ODAD2: variants seen among roughly 807,000 people sequenced by gnomAD.
ODAD2 encodes the protein outer dynein arm-docking complex subunit 2.
Under a neutral mutation model 106.8 loss-of-function variants are expected in ODAD2, and 89 were observed. The ratio of observed to expected loss-of-function variants is 0.83; its 90% CI spans 0.70 to 0.99. The LOEUF (loss-of-function observed/expected upper bound fraction) is 0.99, where lower values mean the gene tolerates loss of function less well. ODAD2 is among the 50% of genes least tolerant of loss of function. ODAD2 has a pLI of 0.00. For missense variants in ODAD2, 1,168 were observed against 1,238.5 expected (o/e 0.94, Z 0.85); for synonymous variants, 404 against 436.2 (o/e 0.93, Z 0.92).
chr10:27,815,558 C>T (rs1836062641), intron 19 of ODAD2, among the ~76,000 whole-genome samples: 1 of 152,164 alleles, frequency 6.6e-6, no homozygotes, highest in African/African-American at 2.4e-5. Flanking sequence ...TCTTATTTGA[C>T]CCCTTAACAG....
chr10:27,876,301 G>C (rs906958843), intron 17 of ODAD2, among the ~76,000 whole-genome samples: 1 of 152,140 alleles, frequency 6.6e-6, no homozygotes, highest in African/African-American at 2.4e-5. Context: ...CCCCCAGTAG[G>C]GGCAGACTGA....
intron 19 of ODAD2, among the ~76,000 whole-genome samples, chr10:27,821,765 T>G (rs1836631110): frequency 6.6e-6 from 1 of 152,218 alleles, no homozygotes; most frequent in Admixed American, 6.5e-5. Context: ...TTTTTTGGTA[T>G]CTATTTTTTT....
intron 16 of ODAD2, among the ~76,000 whole-genome samples, chr10:27,926,597 G>A (rs1156740178): frequency 6.6e-6 from 1 of 152,122 alleles, no homozygotes; most frequent in Non-Finnish European, 1.5e-5. Flanking sequence ...GCTGAGTAAA[G>A]GGCATGGGAA....
chr10:27,844,128 G>A (rs1043328126), intron 19 of ODAD2, among the ~76,000 whole-genome samples: 11 of 152,184 alleles, frequency 7.2e-5, no homozygotes, highest in African/African-American at 2.7e-4. Context: ...ACAGGAGTTA[G>A]AGGCTTCAGT....
chr10:27,852,020 C>G (rs533152079), intron 19 of ODAD2, among the ~76,000 whole-genome samples: 1 of 152,206 alleles, frequency 6.6e-6, no homozygotes, highest in Admixed American at 6.5e-5. Context: ...TAAAATGGAG[C>G]ACCATGTTTA....
intron 17 of ODAD2, among the ~76,000 whole-genome samples, chr10:27,887,411 G>T (rs901879832): frequency 6.6e-6 from 1 of 151,926 alleles, no homozygotes; most frequent in African/African-American, 2.4e-5. Flanking sequence ...TTCCCATCAT[G>T]CATTGAACAA....
At chr10:27,884,598 A>G (rs1841950340) in intron 17 of ODAD2, among the ~76,000 whole-genome samples, 1 of 152,252 alleles carries the variant, frequency 6.6e-6, no homozygotes, top group African/African-American at 2.4e-5. Flanking sequence ...GCTCAGACAG[A>G]ACACCATGGC....
At position 27,812,382 on chromosome 10, in the gene ODAD2, T is replaced by G; in HGVS notation, c.*130A>C. 1.3e-6 allele frequency: 1 copy of G among 765,808 alleles called. No homozygotes were observed. Among genetic ancestry groups the G allele is most frequent in the Non-Finnish European group, 2.1e-6 (1 of 487,458 alleles). 47.4% of individuals were successfully genotyped at this position (765,808 alleles called of 1,614,324 possible). On this transcript the variant is annotated 3_prime_UTR_variant, in exon 20 of 20. Transcript: ENST00000305242. Reference sequence around the variant, plus strand: ...TGAAAAACATTCTGTGCATTTTCAATTTGTGTGTTTTCATTTAGATGGTTG... The same window carrying G: ...TGAAAAACATTCTGTGCATTTTCAAGTTGTGTGTTTTCATTTAGATGGTTG...
chr10:27,958,879 T>C (rs1274634320), intron 10 of ODAD2: 3 of 1,303,894 alleles, frequency 2.3e-6, no homozygotes, highest in Non-Finnish European at 3.0e-6. Flanking sequence ...ACTCAACTGG[T>C]CTTTCCAACG....
intron 7 of ODAD2, among the ~76,000 whole-genome samples, chr10:27,979,143 A>G (rs1849377691): frequency 6.8e-6 from 1 of 147,200 alleles, no homozygotes; most frequent in Admixed American, 6.9e-5. Flanking sequence ...CCGGGAGGGG[A>G]GGTGAAGGTT....
At chr10:27,945,775 G>A (rs919778627) in intron 10 of ODAD2, among the ~76,000 whole-genome samples, 14 of 152,242 alleles carry the variant, frequency 9.2e-5, no homozygotes, top group African/African-American at 3.1e-4. Context: ...AATCTTCTAA[G>A]GAGTAGTGCA....
In ODAD2 at chr10:27,812,222, G is replaced by A; in HGVS notation, c.*290C>T. 3.0e-6 allele frequency: 1 copy of A among 333,104 alleles called. No individual in the cohort carries two copies. Among genetic ancestry groups the A allele is most frequent in the Non-Finnish European group, 5.4e-6 (1 of 186,406 alleles). The allele number at this position is 333,104 out of a possible 1,614,324, so 20.6% of individuals were successfully genotyped here. ...TCGCCACAAATACAAAAGCATCACT[G>A]AACTAAAAATACATCATATACGTAT... On this transcript the variant is annotated 3_prime_UTR_variant, in exon 20 of 20. Coordinates refer to ENST00000305242, the MANE Select transcript of ODAD2 (RefSeq NM_018076.5).
At chr10:27,966,637 C>G (rs1848504843) in intron 9 of ODAD2, among the ~76,000 whole-genome samples, 1 of 152,196 alleles carries the variant, frequency 6.6e-6, no homozygotes, top group Non-Finnish European at 1.5e-5. Flanking sequence ...TTAAGAAATA[C>G]TTCTCTACCA....
intron 19 of ODAD2, among the ~76,000 whole-genome samples, chr10:27,827,104 T>C (rs1320322804): frequency 6.6e-6 from 1 of 152,184 alleles, no homozygotes; most frequent in Non-Finnish European, 1.5e-5. Flanking sequence ...CTTAAAATAT[T>C]CTCTTCTCTT....
intron 19 of ODAD2, among the ~76,000 whole-genome samples, chr10:27,833,844 A>G (rs1837661883): frequency 6.6e-6 from 1 of 152,250 alleles, no homozygotes; most frequent in East Asian, 1.9e-4. Context: ...ACAGACAGCA[A>G]GGTAAAGGTA....
chr10:27,949,907 T>C (rs7074562), intron 10 of ODAD2, among the ~76,000 whole-genome samples: 81,249 of 151,868 alleles, frequency 0.53, 21,916 homozygotes, highest in Middle Eastern at 0.65. Context: ...ATGCTACAAG[T>C]GTAGATGAAA....
intron 9 of ODAD2, among the ~76,000 whole-genome samples, chr10:27,962,330 G>C (rs1848194759): frequency 6.6e-6 from 1 of 152,154 alleles, no homozygotes; most frequent in Non-Finnish European, 1.5e-5. Flanking sequence ...AATCACACTA[G>C]CCACATTTCA....
chr10:27,862,350 T>C (rs1329663525), intron 18 of ODAD2, 84 bp downstream of exon 18: 3 of 1,125,324 alleles, frequency 2.7e-6, no homozygotes, highest in East Asian at 2.6e-5. Context: ...TCCAGGTTTC[T>C]GGACTGCAAA....
rs765376402 is a variant in ODAD2 at position 27,862,512 on chromosome 10, G to A, written c.2721C>T (p.Asn907=). 6.2e-7 allele frequency: 1 copy of A among 1,612,762 alleles called. No individual in the cohort carries two copies. The highest frequency in any genetic ancestry group is 8.5e-7 in the Non-Finnish European group (1 of 1,179,432). Residue 907 remains asparagine, a synonymous_variant, in exon 18 of 20, where the codon AAC becomes AAT. Coordinates refer to ENST00000305242, the MANE Select transcript of ODAD2 (RefSeq NM_018076.5). ...CTAAATTTTCTTGATCTTTTGCTAT[G>A]TTGGTAATGGCAGCACATACACTTG... ...VLASVCAAIT[N]IAKDQENLAV...
Sources: allele counts gnomAD v4.1 joint callset (sites outside exome capture counted in the v4.1 genomes callset), GRCh38; gene constraint gnomAD v4.1.1; transcripts MANE v1.5; gene names NCBI Gene and HGNC (gene_info 2026-07-23, HGNC 2026-07-21).